The following ALG12 variants were observed in gnomAD, a reference collection of about 807,000 sequenced individuals.
ALG12 encodes dol-P-Man:Man(7)GlcNAc(2)-PP-Dol alpha-1,6-mannosyltransferase.
ALG12 carries 36 observed loss-of-function variants against 46.0 expected under a neutral mutation model. The ratio of observed to expected loss-of-function variants is 0.78; its 90% CI spans 0.60 to 1.03. The LOEUF (loss-of-function observed/expected upper bound fraction) is 1.03, where lower values mean the gene tolerates loss of function less well. Ranked by LOEUF, ALG12 falls within the 50% of genes least tolerant of loss-of-function variation. The pLI is 0.00. For synonymous variants in ALG12, 326 were observed against 291.6 expected (o/e 1.12, Z -1.20); for missense variants, 599 against 633.5 (o/e 0.95, Z 0.58).
the ALG12 span, among the ~76,000 whole-genome samples, chr22:49,865,868 T>C: frequency 2.6e-5 from 4 of 151,728 alleles, no homozygotes; most frequent in East Asian, 3.9e-4. Flanking sequence ...ATTTTCTTTT[T>C]TTTTTTTTTC....
the ALG12 span, among the ~76,000 whole-genome samples, chr22:49,879,314 AC>A: frequency 0.11 from 15,982 of 151,582 alleles, 1,109 homozygotes; most frequent in African/African-American, 0.19. Flanking sequence ...TTTAGTAGAG[AC>A]CAGGTTTCGC....
the ALG12 span, among the ~76,000 whole-genome samples, chr22:49,882,827 C>T: frequency 6.6e-6 from 1 of 152,236 alleles, no homozygotes; most frequent in Admixed American, 6.5e-5. Flanking sequence ...GGACGCCTTT[C>T]CCTTCTCAGA....
downstream of ALG12, among the ~76,000 whole-genome samples, chr22:49,899,789 CTG>C (rs1315702093): frequency 1.3e-5 from 2 of 152,160 alleles, no homozygotes; most frequent in Admixed American, 6.5e-5. Flanking sequence ...GCTGAGGAAA[CTG>C]TGGCTTATCA....
At chr22:49,893,033 AAC>A in the ALG12 span, among the ~76,000 whole-genome samples, 34 of 152,328 alleles carry the variant, frequency 2.2e-4, no homozygotes, top group African/African-American at 6.5e-4. Context: ...AATGCTGAAA[AAC>A]ACAACGATGA....
the ALG12 span, chr22:49,886,634 G>A: frequency 6.3e-7 from 1 of 1,587,314 alleles, no homozygotes; most frequent in Non-Finnish European, 8.6e-7. The surrounding 1 kb of genome is among the most constrained non-coding windows in gnomAD (Gnocchi z 7.7). Flanking sequence ...GCCATGGTGA[G>A]CCGCCTGTCT....
At chr22:49,866,875 C>G in the ALG12 span, among the ~76,000 whole-genome samples, 140,467 of 152,304 alleles carry the variant, frequency 0.92, 64,879 homozygotes, top group African/African-American at 0.98. Context: ...GCTGGCGGCT[C>G]TTGAACGGTG....
chr22:49,868,046 C>T, the ALG12 span, among the ~76,000 whole-genome samples: 1 of 152,216 alleles, frequency 6.6e-6, no homozygotes, highest in Non-Finnish European at 1.5e-5. Context: ...GTGGCTTTCA[C>T]ACCATCGTAA....
chr22:49,873,816 C>T, the ALG12 span, among the ~76,000 whole-genome samples: 1 of 151,104 alleles, frequency 6.6e-6, no homozygotes, highest in African/African-American at 2.4e-5. Context: ...CAGCTGGGTT[C>T]TTCTCGACCC....
At chr22:49,897,663 CT>C (rs146468551), downstream of ALG12, among the ~76,000 whole-genome samples, 5,397 of 103,486 alleles carry the variant, frequency 0.052, 124 homozygotes, top group African/African-American at 0.15. Context: ...CCCATGTTTT[CT>C]TTTTTTTTTT....
At chr22:49,871,683 A>G in the ALG12 span, among the ~76,000 whole-genome samples, 4 of 151,648 alleles carry the variant, frequency 2.6e-5, no homozygotes, top group Non-Finnish European at 5.9e-5. Context: ...GACCAATCAG[A>G]GTGCAGATTG....
chr22:49,891,385 T>C, the ALG12 span, among the ~76,000 whole-genome samples: 2 of 152,246 alleles, frequency 1.3e-5, no homozygotes, highest in Non-Finnish European at 2.9e-5. Context: ...CCAGTTGAGA[T>C]GTCTGTGGTC....
chr22:49,879,988 A>G, the ALG12 span, among the ~76,000 whole-genome samples: 3 of 151,052 alleles, frequency 2.0e-5, 1 homozygote, highest in South Asian at 4.2e-4. Context: ...CTCCCGCTTC[A>G]TCGCAGGTCT....
At chr22:49,890,598 T>A in the ALG12 span, among the ~76,000 whole-genome samples, 1 of 152,140 alleles carries the variant, frequency 6.6e-6, no homozygotes, top group East Asian at 1.9e-4. Flanking sequence ...CTTGAAGAAT[T>A]GCCCTTATTT....
At chr22:49,864,388 G>A in the ALG12 span, among the ~76,000 whole-genome samples, 2 of 152,156 alleles carry the variant, frequency 1.3e-5, no homozygotes, top group East Asian at 3.9e-4. Context: ...GATATTTTTT[G>A]CCTAAGTCTT....
intron 6 of ALG12, among the ~76,000 whole-genome samples, chr22:49,908,197 C>T (rs1440383753): frequency 6.6e-6 from 1 of 152,208 alleles, no homozygotes; most frequent in Non-Finnish European, 1.5e-5. Context: ...GCAAGGGCCA[C>T]AGGACGTTCG....
At chr22:49,880,453 C>A in the ALG12 span, among the ~76,000 whole-genome samples, 1 of 152,252 alleles carries the variant, frequency 6.6e-6, no homozygotes, top group African/African-American at 2.4e-5. Context: ...CGACTCCCCG[C>A]CCCGCAGCCT....
chr22:49,874,048 TGTTTTGTAGAG>T, the ALG12 span, among the ~76,000 whole-genome samples: 1 of 152,256 alleles, frequency 6.6e-6, no homozygotes, highest in Non-Finnish European at 1.5e-5. Flanking sequence ...GCTCTAGTAC[TGTTTTGTAGAG>T]GCCTTACAAC....
At position 49,902,624 on chromosome 22, in the gene ALG12, T is replaced by G. The variant is rs1453120353; in HGVS notation, c.*1214A>C. The G allele has an allele frequency of 6.7e-6, 1 of 149,640 alleles. No individual in the cohort carries two copies. The highest frequency in any genetic ancestry group is 6.6e-5 in the Admixed American group (1 of 15,158). The allele number at this position is 149,640 out of a possible 1,614,324, so 9.3% of individuals were successfully genotyped here. On this transcript the variant is annotated 3_prime_UTR_variant, in exon 10 of 10. Coordinates refer to ENST00000330817, the MANE Select transcript of ALG12 (RefSeq NM_024105.4). ...GGTGTGTGCACGTGTGCACTGTGTA[T>G]GCATGGTAATGTGCACGTGTGCACT...
the ALG12 span, among the ~76,000 whole-genome samples, chr22:49,865,447 G>A: frequency 1.3e-5 from 2 of 151,538 alleles, no homozygotes; most frequent in South Asian, 2.1e-4. Context: ...TCAGGAGTTC[G>A]AGACCCGCCT....
Sources: allele counts gnomAD v4.1 joint callset (sites outside exome capture counted in the v4.1 genomes callset), GRCh38; gene constraint gnomAD v4.1.1; non-coding constraint Gnocchi (gnomAD v3.1); transcripts MANE v1.5; gene names NCBI Gene and HGNC (gene_info 2026-07-23, HGNC 2026-07-21).